GALNT6: variants seen among roughly 807,000 people sequenced by gnomAD.
The protein encoded by GALNT6 is polypeptide N-acetylgalactosaminyltransferase 6.
In GALNT6, 51 loss-of-function variants were observed where a neutral mutation model predicts 65.9. The observed-to-expected ratio is 0.77, with a 90% CI of 0.62 to 0.98. GALNT6 has a LOEUF of 0.98. Ranked by LOEUF, GALNT6 falls within the 50% of genes least tolerant of loss-of-function variation. GALNT6 has a pLI of 0.00. For missense variants in GALNT6, 708 were observed against 803.3 expected, an observed-to-expected ratio of 0.88 and a Z score of 1.43; for synonymous variants, 323 against 315.1, an observed-to-expected ratio of 1.02 and a Z score of -0.26.
chr12:51,354,395 A>G lies in GALNT6; in HGVS notation c.1853T>C (p.Leu618Ser), dbSNP rs912434526. 6.4e-7 allele frequency: 1 copy of G among 1,567,414 alleles called. No individual in the cohort carries two copies. Among genetic ancestry groups the G allele is most frequent in the Non-Finnish European group, 8.6e-7 (1 of 1,160,612 alleles). ...ATCTGGGTCCTAGACAAAGAGCCAC[A>G]ACTGATGGGGGTCACTGGGATTGCA... ...APCNPSDPHQLWLFV is the reference protein window; with the variant it reads ...APCNPSDPHQSWLFV Residue 618 changes from leucine to serine, a missense_variant, in exon 12 of 12, where the codon TTG (leucine) becomes TCG (serine). Transcript: ENST00000356317.
intron 4 of GALNT6, among the ~76,000 whole-genome samples, chr12:51,369,629 T>C (rs1209793489): frequency 1.3e-5 from 2 of 152,214 alleles, no homozygotes; most frequent in African/African-American, 4.8e-5. Context: ...GACCTTGCCA[T>C]CTTCACTTGG....
rs1396811025 is a variant in GALNT6 at position 51,364,187 on chromosome 12, G to A, written c.983C>T (p.Thr328Ile). The change falls in exon 6 of 12, where the codon ACC (threonine) becomes ATC (isoleucine). Residue 328 changes from threonine to isoleucine, a missense_variant. By Grantham distance (89) the Thr-to-Ile change is moderately conservative (BLOSUM62 -1). Coordinates refer to ENST00000356317, the MANE Select transcript of GALNT6 (RefSeq NM_007210.4). ...HSRGNFDWSLTFGWETLPPHE... is the reference protein window; with the variant it reads ...HSRGNFDWSLIFGWETLPPHE... ...TGGAGGAAGTGTTTCCCAGCCGAAG[G>A]TCAGGCTCCAGTCAAAGTTGCCTCG... 4 of 1,614,200 alleles carry A rather than the reference G, an allele frequency of 2.5e-6. No individual in the cohort carries two copies. Among genetic ancestry groups the A allele is most frequent in the Non-Finnish European group, 3.4e-6 (4 of 1,180,032 alleles).
chr12:51,381,888 C>T (rs1004398461), intron 2 of GALNT6, among the ~76,000 whole-genome samples: 9 of 152,246 alleles, frequency 5.9e-5, no homozygotes, highest in African/African-American at 1.7e-4. Context: ...GCCAAAGCCA[C>T]GTTCATTACT....
chr12:51,361,768 A>G (rs1291310689), intron 6 of GALNT6, among the ~76,000 whole-genome samples: 1 of 151,842 alleles, frequency 6.6e-6, no homozygotes. Flanking sequence ...CAGGAGCACA[A>G]TCATCAGCTG....
At chr12:51,365,629 C>G (rs1947078372) in intron 4 of GALNT6, 50 bp from the exon 5 acceptor site, 1 of 1,582,026 alleles carries the variant, frequency 6.3e-7, no homozygotes, top group East Asian at 2.3e-5. Flanking sequence ...GCTGTATACC[C>G]AATCCCCTGT....
intron 9 of GALNT6, among the ~76,000 whole-genome samples, chr12:51,357,900 T>C (rs1946800163): frequency 1.3e-5 from 2 of 152,370 alleles, no homozygotes; most frequent in South Asian, 4.1e-4. Context: ...CTGGTGATTC[T>C]GATGCATGCT....
At chr12:51,388,456 C>T (rs1460889249) in intron 2 of GALNT6, among the ~76,000 whole-genome samples, 1 of 152,212 alleles carries the variant, frequency 6.6e-6, no homozygotes, top group African/African-American at 2.4e-5. Flanking sequence ...TCCTCAAAGC[C>T]TTTCCCTTAT....
At chr12:51,381,437 T>C (rs1233396128) in intron 2 of GALNT6, among the ~76,000 whole-genome samples, 1 of 152,126 alleles carries the variant, frequency 6.6e-6, no homozygotes, top group Non-Finnish European at 1.5e-5. Context: ...TCTGGACACA[T>C]AAGCTCACTG....
Position 51,364,277 on chromosome 12 carries a change from A to C in GALNT6, c.893T>G (p.Ile298Ser), listed in dbSNP as rs771728741. 1 of 1,614,126 alleles carries C rather than the reference A, an allele frequency of 6.2e-7. No homozygotes were observed. Among genetic ancestry groups the C allele is most frequent in the Non-Finnish European group, 8.5e-7 (1 of 1,180,024 alleles). The change falls in exon 6 of 12, where the codon ATC becomes AGC. Residue 298 changes from isoleucine (I) to serine (S), a missense_variant. Coordinates refer to ENST00000356317, the MANE Select transcript of GALNT6 (RefSeq NM_007210.4). ...AAAAGTATTAAGGTCGATGGTGACG[A>C]TGTCTGGGCTCACCACCACTGTCTT... is the stretch of plus-strand genomic sequence containing the variant. ...EDKTVVVSPDIVTIDLNTFEF... is the reference protein window; with the variant it reads ...EDKTVVVSPDSVTIDLNTFEF...
rs892319908 is a variant in GALNT6 at position 51,355,888 on chromosome 12, T to C, written c.1673A>G (p.Lys558Arg). The C allele has an allele frequency of 1.2e-6, 2 of 1,613,908 alleles. No homozygotes were observed. Among genetic ancestry groups the C allele is most frequent in the South Asian group, 1.1e-5 (1 of 91,084 alleles). Residue 558 changes from lysine (K) to arginine (R), a missense_variant, in exon 11 of 12, where the codon AAG becomes AGG. Transcript: ENST00000356317. ...IAKQLCLHVS[K>R]GALGLGSCHF... ...ACAGCTCCCAAGGCCCAGAGCACCC[T>C]TGCTGACATGTAGACACAGCTGCTT...
At chr12:51,385,331 A>C (rs553076770) in intron 2 of GALNT6, among the ~76,000 whole-genome samples, 1 of 152,300 alleles carries the variant, frequency 6.6e-6, no homozygotes, top group East Asian at 1.9e-4. Context: ...CAGTCTATTA[A>C]AGATACACAC....
At chr12:51,379,253 G>A (rs1947573328) in intron 3 of GALNT6, 38 bp downstream of exon 3, 6 of 1,512,968 alleles carry the variant, frequency 4.0e-6, no homozygotes, top group South Asian at 1.4e-5. Flanking sequence ...CTTTAGCAAA[G>A]CCCTGGTCTC....
At chr12:51,364,949 A>AATAT (rs1343427978) in intron 5 of GALNT6, among the ~76,000 whole-genome samples, 3 of 152,224 alleles carry the variant, frequency 2.0e-5, no homozygotes, top group Admixed American at 6.5e-5. Context: ...TTCTGACTCC[A>AATAT]AGACTAGAGC....
rs1473846444 is a variant in GALNT6 at position 51,351,421 on chromosome 12, T to G, written c.*2958A>C. 2 of 152,246 alleles carry G rather than the reference T, an allele frequency of 1.3e-5. No individual in the cohort carries two copies. Among genetic ancestry groups the G allele is most frequent in the Non-Finnish European group, 2.9e-5 (2 of 68,052 alleles). 9.4% of individuals were successfully genotyped at this position (152,246 alleles called of 1,614,324 possible). On this transcript the variant is annotated 3_prime_UTR_variant, in exon 12 of 12. Transcript: ENST00000356317. Reference sequence around the variant, plus strand: ...CCCTCACCCCAATGTCCTCTGGGTTTCTCAGACCCACTGGGGCCACATGTC... The same window carrying G: ...CCCTCACCCCAATGTCCTCTGGGTTGCTCAGACCCACTGGGGCCACATGTC...
intron 3 of GALNT6, 127 bp downstream of exon 3, chr12:51,379,164 G>A: frequency 1.1e-6 from 1 of 930,096 alleles, no homozygotes; most frequent in Non-Finnish European, 1.6e-6. Context: ...GCATAGAGGA[G>A]ATCCTTGCCC....
At chr12:51,368,012 A>G (rs1314950354) in intron 4 of GALNT6, among the ~76,000 whole-genome samples, 2 of 151,742 alleles carry the variant, frequency 1.3e-5, no homozygotes, top group Non-Finnish European at 2.9e-5. Flanking sequence ...AAGTGAGGCC[A>G]TGGAATTTTT....
At chr12:51,370,939 C>T (rs879509295) in intron 4 of GALNT6, among the ~76,000 whole-genome samples, 2 of 151,890 alleles carry the variant, frequency 1.3e-5, no homozygotes, top group Non-Finnish European at 2.9e-5. Context: ...TGGACTGAAA[C>T]CGTGAAGATG....
At chr12:51,355,504 C>CT (rs1396833436) in intron 11 of GALNT6, among the ~76,000 whole-genome samples, 4 of 152,116 alleles carry the variant, frequency 2.6e-5, no homozygotes, top group African/African-American at 9.7e-5. Context: ...GAGTCTTGCT[C>CT]TGTCACCCAG....
At chr12:51,358,958 T>C (rs551432064) in intron 8 of GALNT6, among the ~76,000 whole-genome samples, 174 bp downstream of exon 8, 62 of 152,288 alleles carry the variant, frequency 4.1e-4, no homozygotes, top group African/African-American at 1.5e-3. Context: ...CTCTAGCTTT[T>C]GAAACCTATG....
Sources: gnomAD v4.1 joint callset for allele counts (sites outside exome capture counted in the v4.1 genomes callset) on GRCh38, gnomAD v4.1.1 for gene constraint, MANE v1.5 for transcripts, NCBI Gene and HGNC (gene_info 2026-07-23, HGNC 2026-07-21) for gene names.